The following SHB variants were observed in gnomAD, a reference collection of about 807,000 sequenced individuals.
SHB encodes the protein SH2 domain-containing adapter protein B.
In SHB, 20 loss-of-function variants were observed where a neutral mutation model predicts 52.3. That is an observed-to-expected ratio of 0.38 (90% CI 0.27 to 0.56). The LOEUF (loss-of-function observed/expected upper bound fraction) is 0.56, where lower values mean the gene tolerates loss of function less well. Among genes scored for constraint, SHB ranks in the 20% least tolerant of loss-of-function variants. The pLI is 0.71. For synonymous variants in SHB, 397 were observed against 316.5 expected (o/e 1.25, Z -2.70); for missense variants, 825 against 723.3 (o/e 1.14, Z -1.61).
intron 2 of SHB, among the ~76,000 whole-genome samples, chr9:37,994,842 CA>C (rs1034593793): frequency 6.6e-6 from 1 of 152,010 alleles, no homozygotes; most frequent in Non-Finnish European, 1.5e-5. Context: ...TGCTGCCCTT[CA>C]ATAGCATAAA....
intron 1 of SHB, among the ~76,000 whole-genome samples, chr9:38,029,934 C>T (rs1017261719): frequency 1.3e-5 from 2 of 152,212 alleles, no homozygotes; most frequent in Admixed American, 6.5e-5. Flanking sequence ...CACGTGCATG[C>T]GTGTACACAA....
Position 38,068,707 on chromosome 9 carries a change from G to T in SHB, c.-62C>A. 1 of 1,201,070 alleles carries T rather than the reference G, an allele frequency of 8.3e-7. No individual in the cohort carries two copies. Among genetic ancestry groups the T allele is most frequent in the East Asian group, 3.5e-5 (1 of 28,250 alleles). 74.4% of individuals were successfully genotyped at this position (1,201,070 alleles called of 1,614,324 possible). ...GGTCCGCCGCCGCGGCCATTCGGGG[G>T]GCAGCGCTGCGGCGCAGGTCCCTCG... On this transcript the variant is annotated 5_prime_UTR_variant, in exon 1 of 6. Coordinates refer to ENST00000377707, the MANE Select transcript of SHB (RefSeq NM_003028.3).
intron 3 of SHB, 34 bp from the exon 4 acceptor site, chr9:37,956,088 G>A: frequency 6.5e-7 from 1 of 1,547,232 alleles, no homozygotes; most frequent in Non-Finnish European, 8.7e-7. Flanking sequence ...AGGGTTAGCA[G>A]AGCTCAGCCC....
rs1587274454 is a variant in SHB at position 38,068,351 on chromosome 9, G to T, written c.295C>A (p.Pro99Thr). The T allele has an allele frequency of 1.3e-6, 2 of 1,562,874 alleles. No homozygotes were observed. The highest frequency in any genetic ancestry group is 2.6e-5 in the East Asian group (1 of 39,074). Residue 99 changes from proline to threonine, a missense_variant, in exon 1 of 6, where the codon CCT becomes ACT. Transcript: ENST00000377707. ...CGCAGTTTGCGCAGCGACGAGCCAG[G>T]CCCGTTGTAGGGGTCCTCGAAGTCT... is the stretch of plus-strand genomic sequence containing the variant. ...ERDFEDPYNG[P>T]GSSLRKLRAM...
chr9:37,978,291 C>T lies in SHB; in HGVS notation c.839-3454G>A, dbSNP rs145891224. Among the ~76,000 whole-genome samples the T allele has an allele frequency of 5.2e-3, 787 of 152,344 alleles. 3 individuals are homozygous for T. The highest frequency in any genetic ancestry group is 8.3e-3 in the Non-Finnish European group (562 of 68,022). ...GGATTTATTGTTCCAGAAGCATCTG[C>T]ACCTTACCAAAGCTGGACTAGTAAT... On this transcript the variant is annotated intron_variant, in intron 2 of 5. Transcript: ENST00000377707.
chr9:38,065,438 C>T (rs528209893), intron 1 of SHB, among the ~76,000 whole-genome samples: 25 of 152,136 alleles, frequency 1.6e-4, no homozygotes, highest in Admixed American at 5.9e-4. Context: ...GGACCCTCAG[C>T]CATTTCCCCT....
intron 2 of SHB, among the ~76,000 whole-genome samples, chr9:37,981,006 T>C (rs1335324500): frequency 6.6e-6 from 1 of 152,152 alleles, no homozygotes; most frequent in Non-Finnish European, 1.5e-5. Flanking sequence ...ACGAGCAGGG[T>C]AGATTTAGCA....
intron 3 of SHB, among the ~76,000 whole-genome samples, chr9:37,960,818 G>T (rs764766893): frequency 6.6e-6 from 1 of 152,182 alleles, no homozygotes; most frequent in Non-Finnish European, 1.5e-5. Flanking sequence ...GTGGGTAATG[G>T]GTGAGGAACG....
At chr9:38,003,076 T>C (rs1446790691) in intron 2 of SHB, among the ~76,000 whole-genome samples, 1 of 152,134 alleles carries the variant, frequency 6.6e-6, no homozygotes, top group African/African-American at 2.4e-5. Flanking sequence ...CCTCCTAATT[T>C]CTGGGTGTAA....
At chr9:38,061,985 A>G (rs1179824907) in intron 1 of SHB, among the ~76,000 whole-genome samples, 1 of 152,244 alleles carries the variant, frequency 6.6e-6, no homozygotes, top group Non-Finnish European at 1.5e-5. Context: ...TGGAACTCTG[A>G]GGCAGATGGG....
chr9:37,934,179 C>A (rs372279900), intron 5 of SHB, among the ~76,000 whole-genome samples: 16 of 152,108 alleles, frequency 1.1e-4, no homozygotes, highest in African/African-American at 1.7e-4. Context: ...CCTCCTGAGT[C>A]CCCCCCTCTC....
chr9:38,051,440 T>TAA (rs59860349), intron 1 of SHB, among the ~76,000 whole-genome samples: 21 of 107,514 alleles, frequency 2.0e-4, no homozygotes, highest in Admixed American at 7.1e-4. Context: ...AGACTCCGTC[T>TAA]AAAAAAAAAA....
intron 2 of SHB, among the ~76,000 whole-genome samples, chr9:37,984,806 G>T (rs149272969): frequency 6.6e-6 from 1 of 152,130 alleles, no homozygotes; most frequent in African/African-American, 2.4e-5. Context: ...CCATTCAAAC[G>T]TCTGCTGGAG....
intron 1 of SHB, among the ~76,000 whole-genome samples, chr9:38,054,043 A>G (rs1821782754): frequency 1.3e-5 from 2 of 152,224 alleles, no homozygotes; most frequent in Non-Finnish European, 2.9e-5. Flanking sequence ...ATCTGTTACT[A>G]TTCTACCTAC....
At position 38,043,889 on chromosome 9, in the gene SHB, C is replaced by T. The variant is rs1471497049; in HGVS notation, c.717+24040G>A. ...GAGGAACAGGAGCAAAACTCCGTCTCAAAAAAAAAAAAAAATTAAGAAAAG... is the reference window on the plus strand; with the variant it reads ...GAGGAACAGGAGCAAAACTCCGTCTTAAAAAAAAAAAAAAATTAAGAAAAG... On this transcript the variant is annotated intron_variant, in intron 1 of 5. Coordinates refer to ENST00000377707, the MANE Select transcript of SHB (RefSeq NM_003028.3). Among the ~76,000 whole-genome samples the T allele has an allele frequency of 2.3e-5, 3 of 129,812 alleles. No homozygotes were observed. In the Admixed American group the frequency reaches 2.3e-4, roughly 10 times the overall value. 85.2% of individuals were successfully genotyped at this position (129,812 alleles called of 152,430 possible). A position where few individuals can be genotyped will look rare whatever the true frequency, so the allele number is the denominator to read the frequency against.
intron 2 of SHB, among the ~76,000 whole-genome samples, chr9:37,988,297 G>A (rs1820836642): frequency 6.6e-6 from 1 of 152,202 alleles, no homozygotes; most frequent in Admixed American, 6.5e-5. Flanking sequence ...CCAGCTGCCT[G>A]ATCCATCAGG....
intron 3 of SHB, among the ~76,000 whole-genome samples, chr9:37,972,220 G>A (rs1213177606): frequency 6.6e-6 from 1 of 152,204 alleles, no homozygotes; most frequent in Non-Finnish European, 1.5e-5. Flanking sequence ...AGCCTTTTTA[G>A]CCCTTTAATC....
chr9:38,003,323 C>A (rs1821040876), intron 2 of SHB, among the ~76,000 whole-genome samples: 1 of 151,956 alleles, frequency 6.6e-6, no homozygotes, highest in Non-Finnish European at 1.5e-5. Context: ...TACTTCCTTC[C>A]AACTCCACCC....
chr9:37,943,916 G>C (rs1487739822), intron 5 of SHB, among the ~76,000 whole-genome samples: 7 of 152,212 alleles, frequency 4.6e-5, no homozygotes, highest in African/African-American at 2.4e-5. Context: ...CTTTTAATGA[G>C]ATTTTTTTCA....
Sources: gnomAD v4.1 joint callset for allele counts (sites outside exome capture counted in the v4.1 genomes callset) on GRCh38, gnomAD v4.1.1 for gene constraint, MANE v1.5 for transcripts, NCBI Gene and HGNC (gene_info 2026-07-23, HGNC 2026-07-21) for gene names.